The following UNC13C variants were observed in gnomAD, a reference collection of about 807,000 sequenced individuals.
UNC13C encodes protein unc-13 homolog C.
In UNC13C, 174 loss-of-function variants were observed where a neutral mutation model predicts 245.4. That is an observed-to-expected ratio of 0.71 (90% CI 0.63 to 0.80). UNC13C has a LOEUF of 0.80. Ranked by LOEUF, UNC13C falls within the 30% of genes least tolerant of loss-of-function variation. UNC13C has a pLI of 0.00. For synonymous variants in UNC13C, 992 were observed against 895.1 expected (o/e 1.11, Z -1.93); for missense variants, 2,829 against 2,602.9 (o/e 1.09, Z -1.89).
intron 17 of UNC13C, among the ~76,000 whole-genome samples, chr15:54,355,532 A>T (rs965438690): frequency 3.3e-5 from 5 of 151,806 alleles, no homozygotes; most frequent in Admixed American, 3.3e-4. Flanking sequence ...AATTTTTTGT[A>T]TTTTTAGTAG....
At chr15:54,584,735 G>T (rs376529634) in intron 30 of UNC13C, among the ~76,000 whole-genome samples, 4 of 152,344 alleles carry the variant, frequency 2.6e-5, no homozygotes, top group East Asian at 1.9e-4. Flanking sequence ...ACTGTGCAGA[G>T]CACACCTGTA....
At chr15:54,297,584 C>G (rs2037469597) in intron 11 of UNC13C, among the ~76,000 whole-genome samples, 1 of 152,136 alleles carries the variant, frequency 6.6e-6, no homozygotes, top group South Asian at 2.1e-4. Context: ...AAACTCCTAG[C>G]ATTAAGTGGT....
chr15:54,305,042 A>G (rs1198833961), intron 13 of UNC13C, among the ~76,000 whole-genome samples: 2 of 152,136 alleles, frequency 1.3e-5, no homozygotes, highest in East Asian at 1.9e-4. Flanking sequence ...CTTCAATTCT[A>G]TTCCACGACT....
chr15:54,543,563 A>C (rs1444870942), intron 26 of UNC13C, among the ~76,000 whole-genome samples: 3 of 151,766 alleles, frequency 2.0e-5, no homozygotes, highest in Non-Finnish European at 4.4e-5. Flanking sequence ...CTAATAAAGA[A>C]AAAAAGAGAG....
At chr15:54,229,969 C>G (rs2035504185) in intron 4 of UNC13C, among the ~76,000 whole-genome samples, 1 of 151,868 alleles carries the variant, frequency 6.6e-6, no homozygotes, top group African/African-American at 2.4e-5. Flanking sequence ...TTAAGACTGA[C>G]TAGTATTCTA....
At chr15:54,461,049 T>C (rs1891817800) in intron 19 of UNC13C, among the ~76,000 whole-genome samples, 1 of 151,530 alleles carries the variant, frequency 6.6e-6, no homozygotes, top group Non-Finnish European at 1.5e-5. Context: ...TAAATATTGG[T>C]CTTCAATCAG....
chr15:54,378,046 T>A (rs531338914), intron 17 of UNC13C, among the ~76,000 whole-genome samples: 135 of 152,298 alleles, frequency 8.9e-4, no homozygotes, highest in African/African-American at 3.1e-3. Context: ...AAGTGATGTT[T>A]TTATATGTAG....
chr15:54,454,608 T>A (rs1394099739), intron 19 of UNC13C, among the ~76,000 whole-genome samples: 4 of 151,290 alleles, frequency 2.6e-5, no homozygotes, highest in African/African-American at 9.7e-5. Context: ...ATGCCCTTCC[T>A]CCAAGCCCCT....
intron 2 of UNC13C, among the ~76,000 whole-genome samples, chr15:54,036,522 G>A (rs1298497197): frequency 3.3e-5 from 5 of 151,254 alleles, no homozygotes; most frequent in African/African-American, 1.2e-4. Context: ...TTCTTTTGGG[G>A]ACTCCTTCCA....
At chr15:54,148,788 C>T (rs971429008) in intron 4 of UNC13C, among the ~76,000 whole-genome samples, 1 of 152,194 alleles carries the variant, frequency 6.6e-6, no homozygotes, top group Non-Finnish European at 1.5e-5. Context: ...TGGGCTGTTT[C>T]GACTGCCCTT....
At chr15:53,923,850 A>G in the UNC13C span, among the ~76,000 whole-genome samples, 2 of 152,354 alleles carry the variant, frequency 1.3e-5, no homozygotes, top group South Asian at 4.1e-4. Flanking sequence ...ACCGCAGATG[A>G]GCAACCAATA....
At chr15:54,591,349 G>T (rs753691170) in intron 30 of UNC13C, among the ~76,000 whole-genome samples, 1 of 152,150 alleles carries the variant, frequency 6.6e-6, no homozygotes, top group Non-Finnish European at 1.5e-5. Context: ...TTGTGGAATA[G>T]TGTCAAAAGG....
intron 4 of UNC13C, among the ~76,000 whole-genome samples, chr15:54,209,392 C>T (rs1460514032): frequency 6.6e-6 from 1 of 151,192 alleles, no homozygotes; most frequent in Admixed American, 6.6e-5. Context: ...TGACCCTTTA[C>T]ATTTTAGTGT....
chr15:53,939,811 ACGAG>A, the UNC13C span, among the ~76,000 whole-genome samples: 36 of 113,272 alleles, frequency 3.2e-4, no homozygotes, highest in Non-Finnish European at 1.9e-4. Context: ...AAGAGAAAGG[ACGAG>A]AGAGAGAGAG....
intron 2 of UNC13C, among the ~76,000 whole-genome samples, chr15:54,104,298 A>C (rs1244645191): frequency 1.3e-5 from 2 of 152,230 alleles, no homozygotes; most frequent in South Asian, 4.1e-4. Flanking sequence ...CAGAGAAATA[A>C]TCAATAAGAA....
intron 4 of UNC13C, among the ~76,000 whole-genome samples, chr15:54,176,287 G>A (rs1008464159): frequency 4.6e-5 from 7 of 152,036 alleles, no homozygotes; most frequent in Non-Finnish European, 1.0e-4. Context: ...TCATATTGTG[G>A]ACCAGTGGCT....
intron 19 of UNC13C, among the ~76,000 whole-genome samples, chr15:54,471,045 TTTTATATAA>T (rs1433049615): frequency 1.3e-5 from 2 of 151,468 alleles, no homozygotes; most frequent in Non-Finnish European, 3.0e-5. Context: ...TGCTTTCTAG[TTTTATATAA>T]TTATGGTTGG....
intron 24 of UNC13C, among the ~76,000 whole-genome samples, chr15:54,523,032 T>C (rs1429326892): frequency 6.6e-6 from 1 of 152,216 alleles, no homozygotes; most frequent in Non-Finnish European, 1.5e-5. Context: ...GATTGCCTTT[T>C]ACCTTTACAA....
intron 19 of UNC13C, among the ~76,000 whole-genome samples, chr15:54,459,562 C>T (rs1891725413): frequency 6.6e-6 from 1 of 152,068 alleles, no homozygotes; most frequent in South Asian, 2.1e-4. Context: ...TAACATAATC[C>T]CAAATTTCTT....
Sources: gnomAD v4.1 joint callset for allele counts (sites outside exome capture counted in the v4.1 genomes callset) on GRCh38, gnomAD v4.1.1 for gene constraint, MANE v1.5 for transcripts, NCBI Gene and HGNC (gene_info 2026-07-23, HGNC 2026-07-21) for gene names.